Variants in SCN11A observed in about 807,000 individuals in gnomAD.
SCN11A encodes the protein sodium voltage-gated channel alpha subunit 11.
SCN11A carries 122 observed loss-of-function variants against 162.2 expected under a neutral mutation model. The ratio of observed to expected loss-of-function variants is 0.75; its 90% CI spans 0.65 to 0.87. SCN11A has a LOEUF of 0.87. Ranked by LOEUF, SCN11A falls within the 40% of genes least tolerant of loss-of-function variation. The pLI is 0.00. For synonymous variants in SCN11A, 758 were observed against 751.5 expected (o/e 1.01, Z -0.14); for missense variants, 2,015 against 2,181.6 (o/e 0.92, Z 1.52).
At chr3:38,871,364 C>A in intron 25 of SCN11A, 81 bp downstream of exon 25, 3 of 1,349,180 alleles carry the variant, frequency 2.2e-6, no homozygotes, top group South Asian at 2.9e-5. Flanking sequence ...GGAGTCACTG[C>A]ATTTTTATTA....
intron 7 of SCN11A, among the ~76,000 whole-genome samples, chr3:38,936,297 T>C (rs2066330657): frequency 6.6e-6 from 1 of 151,560 alleles, no homozygotes. Flanking sequence ...GCATTCCCTT[T>C]GAAAACTGGC....
chr3:38,900,116 A>G (rs1030276041), intron 16 of SCN11A, 43 bp from the exon 17 acceptor site: 5 of 1,529,640 alleles, frequency 3.3e-6, no homozygotes, highest in Admixed American at 1.7e-5. Flanking sequence ...AGCTGCGGAG[A>G]TAACACTTTT....
Position 38,921,067 on chromosome 3 carries a change from G to A in SCN11A, c.892+9C>T. The A allele has an allele frequency of 6.2e-7, 1 of 1,613,022 alleles. No individual in the cohort carries two copies. The highest frequency in any genetic ancestry group is 8.5e-7 in the Non-Finnish European group (1 of 1,179,180). On this transcript the variant is annotated intron_variant, in intron 10 of 29. Transcript: ENST00000302328. ...AAACCAAGGAGTGAAAGAAAGGTTG[G>A]GTATTTACCATAAGCTTCCGGGTTA...
chr3:38,969,255 C>T (rs1166099927), intron 2 of SCN11A, among the ~76,000 whole-genome samples: 3 of 152,198 alleles, frequency 2.0e-5, no homozygotes, highest in Non-Finnish European at 4.4e-5. Flanking sequence ...ACTTAAGAAT[C>T]ACCATAAACT....
At chr3:38,898,072 T>C (rs2065635988) in intron 17 of SCN11A, among the ~76,000 whole-genome samples, 1 of 151,614 alleles carries the variant, frequency 6.6e-6, no homozygotes, top group South Asian at 2.1e-4. Context: ...CCCCCATCTC[T>C]ACAAAAAATA....
intron 14 of SCN11A, 96 bp downstream of exon 14, chr3:38,907,849 ATGAG>A (rs2065823379): frequency 1.9e-6 from 2 of 1,027,182 alleles, no homozygotes; most frequent in Admixed American, 4.9e-5. Context: ...GAATGAATAA[ATGAG>A]TAACTGAATA....
intron 2 of SCN11A, among the ~76,000 whole-genome samples, chr3:38,967,306 A>G (rs73828760): frequency 0.016 from 2,413 of 152,320 alleles, 66 homozygotes; most frequent in African/African-American, 0.056. Context: ...CCTGAGGCTC[A>G]GTCATAAAGG....
At chr3:38,957,369 G>T (rs1575335211) in intron 3 of SCN11A, among the ~76,000 whole-genome samples, 1 of 152,074 alleles carries the variant, frequency 6.6e-6, no homozygotes, top group African/African-American at 2.4e-5. Context: ...GGTTGCAAAA[G>T]GATTGTGAAA....
chr3:39,001,760 C>T (rs531654400), intron 2 of SCN11A, among the ~76,000 whole-genome samples: 144 of 152,028 alleles, frequency 9.5e-4, no homozygotes, highest in African/African-American at 1.7e-3. Context: ...ATTGGCCGGG[C>T]GCAGTGGCTC....
chr3:38,900,402 G>A (rs1409042776), intron 16 of SCN11A, among the ~76,000 whole-genome samples: 1 of 151,974 alleles, frequency 6.6e-6, no homozygotes, highest in Non-Finnish European at 1.5e-5. Flanking sequence ...AGAGTGTCAG[G>A]CAATTTCTCC....
At chr3:38,984,774 G>A (rs370685441) in intron 2 of SCN11A, among the ~76,000 whole-genome samples, 3 of 152,298 alleles carry the variant, frequency 2.0e-5, no homozygotes, top group Non-Finnish European at 2.9e-5. Context: ...GCCTCCCAAC[G>A]TGCTGGGATT....
At chr3:38,922,897 TTGCCAAAGCCAC>T (rs1157557505) in intron 9 of SCN11A, among the ~76,000 whole-genome samples, 4 of 151,932 alleles carry the variant, frequency 2.6e-5, no homozygotes, top group Non-Finnish European at 5.9e-5. Flanking sequence ...TTTTTACAGT[TTGCCAAAGCCAC>T]TGATAGAAGA....
At chr3:38,885,932 T>C (rs541652866) in intron 20 of SCN11A, among the ~76,000 whole-genome samples, 193 bp downstream of exon 20, 1 of 152,322 alleles carries the variant, frequency 6.6e-6, no homozygotes, top group South Asian at 2.1e-4. Context: ...ACAGAAAAGC[T>C]CACCATGACA....
At position 38,909,086 on chromosome 3, in the gene SCN11A, C is replaced by T. The variant is rs1217374943; in HGVS notation, c.1210G>A (p.Glu404Lys). ...LTLAVVTMAY[E>K]EQNKNVAAEI... ...GCAGCTACATTCTTGTTCTGCTCCT[C>T]ATATGCCATGGTAACAACAGCCAGG... The change falls in exon 13 of 30, where the codon GAG becomes AAG. Residue 404 changes from glutamate (E) to lysine (K), a missense_variant. Physicochemically the swap from Glu to Lys is moderately conservative, Grantham distance 56 (BLOSUM62 1). Transcript: ENST00000302328. The T allele has an allele frequency of 1.2e-6, 2 of 1,614,002 alleles. No homozygotes were observed. The highest frequency in any genetic ancestry group is 1.7e-6 in the Non-Finnish European group (2 of 1,180,002).
At chr3:38,923,637 G>A (rs1419241303) in intron 9 of SCN11A, among the ~76,000 whole-genome samples, 1 of 152,144 alleles carries the variant, frequency 6.6e-6, no homozygotes, top group Non-Finnish European at 1.5e-5. Context: ...AATCAAACCA[G>A]TGTCTACCAA....
chr3:39,029,394 A>AT (rs1171956241), intron 2 of SCN11A, among the ~76,000 whole-genome samples: 1 of 152,202 alleles, frequency 6.6e-6, no homozygotes. Context: ...ATGCCTGTAC[A>AT]TATCTTTTGC....
chr3:38,871,640 G>A lies in SCN11A; in HGVS notation c.3564C>T (p.Phe1188=), dbSNP rs1407509787. 1.8e-5 allele frequency: 29 copies of A among 1,612,748 alleles called. No homozygotes were observed. The highest frequency in any genetic ancestry group is 2.2e-5 in the Non-Finnish European group (26 of 1,179,182). ...CTCCCAGAATACAAAATACGAGCCA[G>A]AAAATGAGGCAGACAAGCAAAACAT... is the stretch of plus-strand genomic sequence containing the variant. ...ILNVLLVCLI[F]WLVFCILGVY... is the part of the protein sequence containing the mutation. Residue 1188 remains phenylalanine, a synonymous_variant, in exon 25 of 30, where the codon TTC becomes TTT. Transcript: ENST00000302328.
At chr3:39,047,902 A>C (rs1274149836) in intron 1 of SCN11A, among the ~76,000 whole-genome samples, 1 of 152,238 alleles carries the variant, frequency 6.6e-6, no homozygotes, top group Non-Finnish European at 1.5e-5. Flanking sequence ...TGCAGAGAAA[A>C]GGGAATTCAT....
At chr3:38,885,480 G>T in intron 20 of SCN11A, 78 bp from the exon 21 acceptor site, 1 of 806,604 alleles carries the variant, frequency 1.2e-6, no homozygotes, top group Non-Finnish European at 2.1e-6. Flanking sequence ...GTTTCTCATT[G>T]TCTGATTTTT....
Sources: gnomAD v4.1 joint callset for allele counts (sites outside exome capture counted in the v4.1 genomes callset) on GRCh38, gnomAD v4.1.1 for gene constraint, MANE v1.5 for transcripts, NCBI Gene and HGNC (gene_info 2026-07-23, HGNC 2026-07-21) for gene names.